Variants in WDR41 observed in about 807,000 individuals in gnomAD.
WDR41 encodes WD repeat domain 41, also known as WD repeat-containing protein 41.
Under a neutral mutation model 69.3 loss-of-function variants are expected in WDR41, and 63 were observed. That is an observed-to-expected ratio of 0.91 (90% CI 0.74 to 1.12). WDR41 has a LOEUF of 1.12. Ranked by LOEUF, WDR41 falls within the 50% of genes most tolerant of loss-of-function variation. The probability of loss-of-function intolerance (pLI) is 0.00; values close to 1 mark genes in which losing one functional copy is unlikely to be tolerated. For synonymous variants in WDR41, 185 were observed against 192.1 expected (o/e 0.96, Z 0.31); for missense variants, 543 against 534.5 (o/e 1.02, Z -0.16).
In WDR41 at chr5:77,479,830, A is replaced by G. The variant is rs1015665544; in HGVS notation, c.167+9627T>C. On this transcript the variant is annotated intron_variant, in intron 2 of 12. Coordinates refer to ENST00000296679, the MANE Select transcript of WDR41 (RefSeq NM_018268.4). ...AAGCCAAAATTGACAAATGGGATCT[A>G]ATTAAACTAAAGAGCTTCTGCACAG... Among the ~76,000 whole-genome samples, 17 of 151,950 alleles carry G rather than the reference A, an allele frequency of 1.1e-4. 1 individual carries two copies. The highest frequency in any genetic ancestry group is 4.1e-4 in the African/African-American group (17 of 41,496).
At chr5:77,467,853 A>T (rs1204252895) in intron 2 of WDR41, among the ~76,000 whole-genome samples, 1 of 152,056 alleles carries the variant, frequency 6.6e-6, no homozygotes, top group Non-Finnish European at 1.5e-5. Context: ...TTAAAAATTT[A>T]AAACCCAGAA....
upstream of WDR41, among the ~76,000 whole-genome samples, chr5:77,497,087 A>T (rs1485298790): frequency 6.6e-6 from 1 of 152,218 alleles, no homozygotes; most frequent in African/African-American, 2.4e-5. Flanking sequence ...ACCATACACA[A>T]ATGTTAACTT....
At chr5:77,557,636 G>C (rs1449925030) in intron 1 of WDR41, among the ~76,000 whole-genome samples, 1 of 152,128 alleles carries the variant, frequency 6.6e-6, no homozygotes, top group Non-Finnish European at 1.5e-5. Context: ...CTTTGAAAAA[G>C]CAGTCTGGCA....
Position 77,504,077 on chromosome 5 carries a change from T to C in WDR41, c.43-14505A>G, listed in dbSNP as rs898341721. Among the ~76,000 whole-genome samples the C allele has an allele frequency of 5.3e-5, 8 of 151,556 alleles. No individual in the cohort carries two copies. In the South Asian group the frequency reaches 8.3e-4, roughly 16 times the overall value. On this transcript the variant is annotated intron_variant, in intron 1 of 5. Coordinates refer to the WDR41 transcript ENST00000509971. The stretch of plus-strand genomic sequence containing the variant: ...CACGAAAAACCCTTCAAAAAATCAG[T>C]GAATCCAGGAGCTGGCTTTTTGAAA...
intron 1 of WDR41, chr5:77,582,947 T>C: frequency 6.2e-7 from 1 of 1,609,252 alleles, no homozygotes; most frequent in African/African-American, 1.3e-5. Context: ...GAGGATTTGA[T>C]TCATGAGATC....
chr5:77,596,890 G>A (rs147088482), intron 1 of WDR41, among the ~76,000 whole-genome samples: 250 of 152,124 alleles, frequency 1.6e-3, no homozygotes, highest in African/African-American at 5.8e-3. Flanking sequence ...AGGTTAAGGG[G>A]GTGGATTGCT....
At chr5:77,593,988 G>A (rs962833710) in intron 1 of WDR41, among the ~76,000 whole-genome samples, 34 of 151,916 alleles carry the variant, frequency 2.2e-4, no homozygotes, top group African/African-American at 7.7e-4. Flanking sequence ...AAGGGGGCAG[G>A]ACTACCTCAA....
chr5:77,507,743 T>C (rs1425088443), intron 1 of WDR41, among the ~76,000 whole-genome samples: 2 of 152,208 alleles, frequency 1.3e-5, no homozygotes, highest in East Asian at 1.9e-4. Flanking sequence ...TGGATCTCTT[T>C]GTTTATTCTA....
chr5:77,589,689 G>A (rs988948615), intron 1 of WDR41, among the ~76,000 whole-genome samples: 2 of 151,922 alleles, frequency 1.3e-5, no homozygotes, highest in Admixed American at 6.6e-5. Context: ...TTTGTATTTT[G>A]ATCTTGCCAA....
intron 1 of WDR41, among the ~76,000 whole-genome samples, chr5:77,548,905 A>T (rs892081133): frequency 8.6e-5 from 13 of 152,044 alleles, no homozygotes; most frequent in Admixed American, 5.9e-4. Context: ...ATGAGTGGAT[A>T]AAAAAAACTG....
intron 1 of WDR41, among the ~76,000 whole-genome samples, chr5:77,591,521 A>G (rs1333413740): frequency 1.3e-5 from 2 of 151,844 alleles, no homozygotes; most frequent in Non-Finnish European, 2.9e-5. Context: ...CTTTTTTCCA[A>G]TATATGTGTT....
chr5:77,537,621 T>A (rs919129872), intron 1 of WDR41, among the ~76,000 whole-genome samples: 3 of 152,064 alleles, frequency 2.0e-5, no homozygotes, highest in Admixed American at 6.6e-5. Context: ...AAAGGAGATG[T>A]TTCGGGGAGT....
chr5:77,571,680 G>A (rs1743735754), intron 1 of WDR41, among the ~76,000 whole-genome samples: 1 of 152,158 alleles, frequency 6.6e-6, no homozygotes, highest in Non-Finnish European at 1.5e-5. Flanking sequence ...TTAGCTCACA[G>A]AGAGCACTCT....
At chr5:77,572,690 C>T (rs1743753556) in intron 1 of WDR41, among the ~76,000 whole-genome samples, 1 of 152,174 alleles carries the variant, frequency 6.6e-6, no homozygotes, top group African/African-American at 2.4e-5. Context: ...AGACCACCTT[C>T]CCCACTATAG....
At chr5:77,459,209 G>T in intron 4 of WDR41, 85 bp from the exon 5 acceptor site, 1 of 954,240 alleles carries the variant, frequency 1.0e-6, no homozygotes, top group Non-Finnish European at 1.6e-6. Context: ...AGCCACAAAT[G>T]TTAAGCAGTT....
intron 1 of WDR41, among the ~76,000 whole-genome samples, chr5:77,504,824 G>A (rs1023820813): frequency 3.3e-5 from 5 of 152,060 alleles, no homozygotes; most frequent in African/African-American, 4.8e-5. Context: ...AAATTCAACA[G>A]CCCTTCACGC....
intron 8 of WDR41, among the ~76,000 whole-genome samples, chr5:77,443,069 C>T (rs946923057): frequency 6.6e-6 from 1 of 151,460 alleles, no homozygotes; most frequent in African/African-American, 2.4e-5. Flanking sequence ...GTCTAGAAAC[C>T]CAAGTTCTGA....
At position 77,431,121 on chromosome 5, in the gene WDR41, A is replaced by AGACT. The variant is rs1255455469; in HGVS notation, c.*2010_*2013dup. 1 of 150,526 alleles carries AGACT rather than the reference A, an allele frequency of 6.6e-6. No individual in the cohort carries two copies. 9.3% of individuals were successfully genotyped at this position (150,526 alleles called of 1,614,324 possible). A position where few individuals can be genotyped will look rare whatever the true frequency, so the allele number is the denominator to read the frequency against. Reference sequence around the variant, plus strand: ...AAGGAGCATCAGGATTTGAGATGACAGACTCTAAATTTTGAAAGAAGTTCT... The same window carrying AGACT: ...AAGGAGCATCAGGATTTGAGATGACAGACTGACTCTAAATTTTGAAAGAAGTTCT... On this transcript the variant is annotated 3_prime_UTR_variant, in exon 13 of 13. Coordinates refer to ENST00000296679, the MANE Select transcript of WDR41 (RefSeq NM_018268.4).
In WDR41 at chr5:77,438,270, T is replaced by C. The variant is rs764330409; in HGVS notation, c.974A>G (p.Asn325Ser). ...TGGAAGTCTGGCAACGTGCAGGACA[T>C]TGGAGTCATGTGCAGTTTTCTGGCA... ...IACQKTAHDSNVLHVARLPNR... is the reference protein window; with the variant it reads ...IACQKTAHDSSVLHVARLPNR... Residue 325 changes from asparagine to serine, a missense_variant, in exon 10 of 13, where the codon AAT (asparagine) becomes AGT (serine). Coordinates refer to ENST00000296679, the MANE Select transcript of WDR41 (RefSeq NM_018268.4). The C allele has an allele frequency of 1.2e-6, 2 of 1,614,070 alleles. No homozygotes were observed. Among genetic ancestry groups the C allele is most frequent in the Admixed American group, 1.7e-5 (1 of 60,032 alleles).
Sources: gnomAD v4.1 joint callset for allele counts (sites outside exome capture counted in the v4.1 genomes callset) on GRCh38, gnomAD v4.1.1 for gene constraint, MANE v1.5 for transcripts, NCBI Gene and HGNC (gene_info 2026-07-23, HGNC 2026-07-21) for gene names.